HUS1: variants seen among roughly 807,000 people sequenced by gnomAD.
HUS1 encodes checkpoint protein HUS1.
In HUS1, 31 loss-of-function variants were observed where a neutral mutation model predicts 32.6. The ratio of observed to expected loss-of-function variants is 0.95; its 90% CI spans 0.72 to 1.28. The LOEUF is 1.28. Among genes scored for constraint, HUS1 ranks in the 50% most tolerant of loss-of-function variants. The pLI is 0.00. For synonymous variants in HUS1, 123 were observed against 116.6 expected (o/e 1.06, Z -0.36); for missense variants, 340 against 337.7 (o/e 1.01, Z -0.05).
rs371092744 is a variant in HUS1, at chr7:47,978,544, T to C, written c.230A>G (p.Asn77Ser). 140 of 1,614,110 alleles carry C rather than the reference T, an allele frequency of 8.7e-5. No homozygotes were observed. Among genetic ancestry groups the C allele is most frequent in the South Asian group, 1.5e-4 (14 of 91,094 alleles). ...FQMEGVSAEN[N>S]EIYLELTSEN... The stretch of plus-strand genomic sequence containing the variant: ...CGATGTTAGCTCTAAATAAATCTCA[T>C]TGTTTTCTGCAGAGACACCCTCCAT... The change falls in exon 3 of 8, where the codon AAT becomes AGT. Residue 77 changes from asparagine (N) to serine (S), a missense_variant. Physicochemically the swap from Asn to Ser is conservative, Grantham distance 46 (BLOSUM62 1). Transcript: ENST00000258774.
intron 6 of HUS1, chr7:47,968,977 A>G: frequency 2.5e-6 from 1 of 395,896 alleles, no homozygotes; most frequent in Non-Finnish European, 4.5e-6. Context: ...CGAATTCTAC[A>G]GAGGATGGAG....
At chr7:47,973,312 G>A (rs1788635999) in intron 5 of HUS1, among the ~76,000 whole-genome samples, 1 of 152,164 alleles carries the variant, frequency 6.6e-6, no homozygotes, top group Admixed American at 6.5e-5. Context: ...AGGCAGCATC[G>A]ACATCTCCCA....
intron 5 of HUS1, among the ~76,000 whole-genome samples, chr7:47,972,732 CT>C (rs1213669477): frequency 1.1e-4 from 5 of 47,490 alleles, no homozygotes; most frequent in Non-Finnish European, 3.0e-4. Flanking sequence ...AGGGTACTCA[CT>C]GCACAGCGCA....
rs916670197 is a variant in HUS1, at chr7:47,963,288, T to A, written c.*2068A>T. On this transcript the variant is annotated 3_prime_UTR_variant, in exon 8 of 8. Transcript: ENST00000258774. ...AGAATCAGAAACAGACACCAACTTC[T>A]TGAATCTCAACTAAGGTTTCTTTAG... The A allele has an allele frequency of 6.6e-6, 1 of 152,240 alleles. No homozygotes were observed. The highest frequency in any genetic ancestry group is 2.4e-5 in the African/African-American group (1 of 41,462). 9.4% of individuals were successfully genotyped at this position (152,240 alleles called of 1,614,324 possible).
At chr7:47,965,655 G>A (rs2128764151) in intron 7 of HUS1, among the ~76,000 whole-genome samples, 1 of 152,318 alleles carries the variant, frequency 6.6e-6, no homozygotes, top group South Asian at 2.1e-4. Flanking sequence ...GAGAGGAAAA[G>A]TGAAGCGGCC....
chr7:47,969,140 C>T lies in HUS1; in HGVS notation c.640+79G>A, dbSNP rs542031514. The T allele has an allele frequency of 8.4e-5, 58 of 693,060 alleles. No homozygotes were observed. The African/African-American group carries it at 8.8e-4, about 11-fold the overall frequency. The allele number at this position is 693,060 out of a possible 1,614,324, so 42.9% of individuals were successfully genotyped here. On this transcript the variant is annotated intron_variant, in intron 6 of 7. Coordinates refer to ENST00000258774, the MANE Select transcript of HUS1 (RefSeq NM_004507.4). ...AGTCAACTGAATTTCAACCTTTTTA[C>T]ATGAAGAGACCTCAACAGGTAGGTT...
At chr7:47,976,862 A>AT (rs777727392) in intron 3 of HUS1, 25 bp from the exon 4 acceptor site, 2 of 1,481,126 alleles carry the variant, frequency 1.4e-6, no homozygotes, top group Non-Finnish European at 1.9e-6. Flanking sequence ...ATTTAAAAAT[A>AT]TTTTTATGTT....
intron 5 of HUS1, among the ~76,000 whole-genome samples, chr7:47,974,454 GT>G (rs1788657748): frequency 6.6e-6 from 1 of 152,200 alleles, no homozygotes; most frequent in African/African-American, 2.4e-5. Context: ...GAAGCCATGT[GT>G]CAAATGGCAA....
At chr7:47,969,771 C>T (rs1192811967) in intron 5 of HUS1, among the ~76,000 whole-genome samples, 1 of 152,036 alleles carries the variant, frequency 6.6e-6, no homozygotes, top group Non-Finnish European at 1.5e-5. Context: ...GGGAATGAAA[C>T]TTTAAATGAA....
Position 47,965,365 on chromosome 7 carries a change from C to T in HUS1, c.834G>A (p.Ala278=), listed in dbSNP as rs1056663. The T allele has an allele frequency of 0.5, 802,505 of 1,605,974 alleles. 203,921 individuals carry two copies. Among genetic ancestry groups the T allele is most frequent in the East Asian group, 0.53 (23,622 of 44,786 alleles). The change falls in exon 8 of 8, where the codon GCG becomes GCA. Residue 278 remains alanine, a synonymous_variant. Transcript: ENST00000258774. The part of the protein sequence containing the change: ...EDVSLQYFIP[A]LS ...CTCCAGCGACAGGGTGCTAGGACAG[C>T]GCAGGGATGAAATACTGAAGGGACA...
chr7:47,965,399 T>A lies in HUS1; in HGVS notation c.800A>T (p.His267Leu), dbSNP rs1346260670. The change falls in exon 8 of 8, where the codon CAT becomes CTT. Residue 267 changes from histidine to leucine, a missense_variant. Coordinates refer to ENST00000258774, the MANE Select transcript of HUS1 (RefSeq NM_004507.4). Reference sequence around the variant, plus strand: ...GAAATACTGAAGGGACACGTCTTCATGAAGCAGATCAAAATGCACCATCTT... The same window carrying A: ...GAAATACTGAAGGGACACGTCTTCAAGAAGCAGATCAAAATGCACCATCTT... The part of the protein sequence containing the change: ...NNKMVHFDLL[H>L]EDVSLQYFIP... The A allele has an allele frequency of 6.2e-7, 1 of 1,613,816 alleles. No individual in the cohort carries two copies. Among genetic ancestry groups the A allele is most frequent in the South Asian group, 1.1e-5 (1 of 91,078 alleles).
intron 4 of HUS1, chr7:47,976,421 C>A (rs774092196): frequency 6.3e-6 from 3 of 474,244 alleles, no homozygotes; most frequent in African/African-American, 2.0e-5. Context: ...AAGATCAAGT[C>A]CTGTGAAACC....
At chr7:47,976,916 A>G in intron 3 of HUS1, 79 bp from the exon 4 acceptor site, 1 of 890,908 alleles carries the variant, frequency 1.1e-6, no homozygotes, top group Non-Finnish European at 1.8e-6. Context: ...GACCCGGGAC[A>G]AAAAAGTTGA....
intron 5 of HUS1, among the ~76,000 whole-genome samples, chr7:47,973,680 G>A (rs919633604): frequency 1.3e-5 from 2 of 152,186 alleles, no homozygotes; most frequent in Admixed American, 6.5e-5. Flanking sequence ...CTTTGCTACA[G>A]TAACTTGATA....
At chr7:47,974,860 CT>C (rs1475075118) in intron 5 of HUS1, among the ~76,000 whole-genome samples, 1 of 152,074 alleles carries the variant, frequency 6.6e-6, no homozygotes, top group Admixed American at 6.5e-5. Flanking sequence ...TGCCCCCTAG[CT>C]TGGTGTGAGG....
At chr7:47,979,432 G>C (rs1583727731) in intron 1 of HUS1, 36 bp downstream of exon 1, 3 of 1,611,860 alleles carry the variant, frequency 1.9e-6, no homozygotes, top group Middle Eastern at 1.6e-4. Flanking sequence ...GCTTCCTTCC[G>C]TTCCTCCCTC....
At chr7:47,976,602 A>G (rs1445535083) in intron 4 of HUS1, 128 bp downstream of exon 4, 2 of 697,010 alleles carry the variant, frequency 2.9e-6, no homozygotes, top group Non-Finnish European at 5.2e-6. Context: ...ACAAAAGGCA[A>G]ATAATCTAAT....
rs1028388813 is a variant in HUS1, at chr7:47,963,916, A to C, written c.*1440T>G. Reference sequence around the variant, plus strand: ...GTGAGACTCCGTCTCAAAAAAAAAAACCAAAAAACAAACAAAAAACCATTA... The same window carrying C: ...GTGAGACTCCGTCTCAAAAAAAAAACCCAAAAAACAAACAAAAAACCATTA... On this transcript the variant is annotated 3_prime_UTR_variant, in exon 8 of 8. Coordinates refer to ENST00000258774, the MANE Select transcript of HUS1 (RefSeq NM_004507.4). 2.0e-5 allele frequency: 3 copies of C among 152,034 alleles called. No individual in the cohort carries two copies. Among genetic ancestry groups the C allele is most frequent in the Non-Finnish European group, 2.9e-5 (2 of 68,014 alleles). The allele number at this position is 152,034 out of a possible 1,614,324, so 9.4% of individuals were successfully genotyped here. A position where few individuals can be genotyped will look rare whatever the true frequency, so the allele number is the denominator to read the frequency against.
chr7:47,976,756 G>T lies in HUS1; in HGVS notation c.439C>A (p.Gln147Lys), dbSNP rs2307254. Reference protein sequence around the residue: ...VIPRKLWKDLQEPVVPDPDVS... With the variant: ...VIPRKLWKDLKEPVVPDPDVS... ...TCAGGATCTGGGACCACCGGTTCTT[G>T]TAAGTCCTTCCACAATTTCCTAGGA... The change falls in exon 4 of 8, where the codon CAA (glutamine) becomes AAA (lysine). Residue 147 changes from glutamine (Q) to lysine (K), a missense_variant. Gln to Lys is a moderately conservative substitution (Grantham distance 53, BLOSUM62 1). Coordinates refer to ENST00000258774, the MANE Select transcript of HUS1 (RefSeq NM_004507.4). 19,583 of 1,612,396 alleles carry T rather than the reference G, an allele frequency of 0.012. 503 individuals carry two copies. Among genetic ancestry groups the T allele is most frequent in the East Asian group, 0.11 (5,117 of 44,858 alleles).
Sources: allele counts gnomAD v4.1 joint callset (sites outside exome capture counted in the v4.1 genomes callset), GRCh38; gene constraint gnomAD v4.1.1; transcripts MANE v1.5; gene names NCBI Gene and HGNC (gene_info 2026-07-23, HGNC 2026-07-21).